The following TOGARAM1 variants were observed in gnomAD, a reference collection of about 807,000 sequenced individuals.
TOGARAM1 encodes the protein TOG array regulator of axonemal microtubules 1, also known as TOG array regulator of axonemal microtubules protein 1.
A neutral mutation model predicts 166.6 loss-of-function variants in TOGARAM1; 100 were observed. The observed-to-expected ratio is 0.60, with a 90% CI of 0.51 to 0.71. The LOEUF (loss-of-function observed/expected upper bound fraction) is 0.71, where lower values mean the gene tolerates loss of function less well. TOGARAM1 is among the 30% of genes least tolerant of loss of function. The probability of loss-of-function intolerance (pLI) is 0.00; values close to 1 mark genes in which losing one functional copy is unlikely to be tolerated. For synonymous variants in TOGARAM1, 758 were observed against 763.8 expected (o/e 0.99, Z 0.13); for missense variants, 2,029 against 2,102.7 (o/e 0.96, Z 0.69).
intron 1 of TOGARAM1, among the ~76,000 whole-genome samples, chr14:44,993,053 G>C (rs923975219): frequency 6.6e-6 from 1 of 151,634 alleles, no homozygotes; most frequent in Non-Finnish European, 1.5e-5. Context: ...ATTTGAGCTT[G>C]ACGGTTCGAG....
At chr14:44,998,698 G>C (rs890212163) in intron 2 of TOGARAM1, among the ~76,000 whole-genome samples, 1 of 152,142 alleles carries the variant, frequency 6.6e-6, no homozygotes, top group Non-Finnish European at 1.5e-5. Flanking sequence ...TGATATGATA[G>C]GGAGAGAATT....
chr14:45,070,718 A>G (rs998640324), intron 18 of TOGARAM1, among the ~76,000 whole-genome samples: 2 of 152,148 alleles, frequency 1.3e-5, no homozygotes, highest in Non-Finnish European at 2.9e-5. Flanking sequence ...CGAATTTTCA[A>G]TTGTACAGAG....
At chr14:45,011,456 G>A (rs1260548184) in intron 6 of TOGARAM1, among the ~76,000 whole-genome samples, 3 of 152,106 alleles carry the variant, frequency 2.0e-5, no homozygotes, top group Non-Finnish European at 4.4e-5. Context: ...GGGACTACAG[G>A]TGTGCACCGC....
chr14:45,048,136 A>G (rs1174340156), intron 14 of TOGARAM1, among the ~76,000 whole-genome samples: 1 of 151,090 alleles, frequency 6.6e-6, no homozygotes, highest in East Asian at 2.0e-4. Context: ...GGCGGCTCAC[A>G]AGATCAAGAG....
Position 45,044,623 on chromosome 14 carries a change from AT to A in TOGARAM1, c.3919-3del, listed in dbSNP as rs761254170. On this transcript the variant is annotated splice_polypyrimidine_tract_variant and intron_variant, in intron 12 of 19. Transcript: ENST00000361462. ...AATATCAGCAAAATGTACATTTTGA[AT>A]TTTTTTTTAGGTGAAAAATTTACGT... 740 of 1,528,218 alleles carry A rather than the reference AT, an allele frequency of 4.8e-4. No individual in the cohort carries two copies. Among genetic ancestry groups the A allele is most frequent in the Admixed American group, 6.5e-4 (33 of 50,776 alleles). 94.7% of individuals were successfully genotyped at this position (1,528,218 alleles called of 1,614,324 possible).
chr14:44,987,166 T>TC (rs1886864454), intron 1 of TOGARAM1, among the ~76,000 whole-genome samples: 2 of 151,774 alleles, frequency 1.3e-5, no homozygotes, highest in African/African-American at 4.8e-5. Flanking sequence ...ATGGTCTCGA[T>TC]CTGACCTCGT....
At chr14:45,049,786 G>C (rs1882269607) in intron 14 of TOGARAM1, among the ~76,000 whole-genome samples, 1 of 151,806 alleles carries the variant, frequency 6.6e-6, no homozygotes, top group Non-Finnish European at 1.5e-5. Context: ...ATCATTATAG[G>C]CTAGTTAGGA....
At chr14:45,055,577 G>C (rs1457823180) in intron 16 of TOGARAM1, among the ~76,000 whole-genome samples, 1 of 151,996 alleles carries the variant, frequency 6.6e-6, no homozygotes, top group Non-Finnish European at 1.5e-5. Context: ...TGCTGAGGCG[G>C]GTGGATCACG....
chr14:45,058,829 T>C (rs199947365), intron 16 of TOGARAM1, among the ~76,000 whole-genome samples: 2 of 152,168 alleles, frequency 1.3e-5, no homozygotes, highest in African/African-American at 2.4e-5. Context: ...TTTCTTTTTC[T>C]CTGTTTTCGT....
intron 7 of TOGARAM1, among the ~76,000 whole-genome samples, chr14:45,020,810 G>A (rs1594663057): frequency 6.6e-6 from 1 of 152,184 alleles, no homozygotes; most frequent in African/African-American, 2.4e-5. Flanking sequence ...TGAGGTATGG[G>A]TTATTTCCAG....
At chr14:45,063,478 A>ATTTTTTTTTTTTTTTTTTT (rs1882992274) in intron 16 of TOGARAM1, among the ~76,000 whole-genome samples, 1 of 134,002 alleles carries the variant, frequency 7.5e-6, no homozygotes, top group Non-Finnish European at 1.5e-5. Flanking sequence ...CATTTGACAA[A>ATTTTTTTTTTTTTTTTTTT]GTTTTTTTTT....
chr14:44,995,196 C>T (rs191616281), intron 1 of TOGARAM1, among the ~76,000 whole-genome samples: 1 of 152,258 alleles, frequency 6.6e-6, no homozygotes, highest in African/African-American at 2.4e-5. Flanking sequence ...AAGTACTATA[C>T]ATATATAAAG....
At chr14:45,017,406 A>AACAC (rs113544622) in intron 7 of TOGARAM1, among the ~76,000 whole-genome samples, 8,032 of 145,188 alleles carry the variant, frequency 0.055, 245 homozygotes, top group South Asian at 0.068. Context: ...ATGCACACAA[A>AACAC]ACACACACAC....
chr14:45,069,947 C>T (rs1883302807), intron 18 of TOGARAM1, among the ~76,000 whole-genome samples: 1 of 152,106 alleles, frequency 6.6e-6, no homozygotes, highest in South Asian at 2.1e-4. Flanking sequence ...CTTTGGGAGG[C>T]CGAGGCAGGC....
intron 1 of TOGARAM1, chr14:44,978,091 A>T (rs1270529109): frequency 1.3e-5 from 2 of 152,244 alleles, no homozygotes; most frequent in Non-Finnish European, 2.9e-5. Flanking sequence ...TAATGGCAAC[A>T]TTCACAAAAT....
At chr14:45,002,667 T>A (rs960139934) in intron 3 of TOGARAM1, among the ~76,000 whole-genome samples, 1 of 152,218 alleles carries the variant, frequency 6.6e-6, no homozygotes, top group Admixed American at 6.5e-5. Context: ...GGATGTTTGA[T>A]TTCTTCATAA....
At chr14:45,054,169 C>A (rs1431164238) in intron 15 of TOGARAM1, among the ~76,000 whole-genome samples, 1 of 152,132 alleles carries the variant, frequency 6.6e-6, no homozygotes, top group African/African-American at 2.4e-5. Context: ...CCACACCCAG[C>A]CCAAAATACA....
At chr14:45,065,261 A>G (rs1327262600) in intron 16 of TOGARAM1, among the ~76,000 whole-genome samples, 1 of 152,188 alleles carries the variant, frequency 6.6e-6, no homozygotes, top group Non-Finnish European at 1.5e-5. Context: ...GTCACTTTGC[A>G]TGACTCTTTA....
At chr14:44,968,599 A>C (rs970902537) in intron 1 of TOGARAM1, among the ~76,000 whole-genome samples, 1 of 152,206 alleles carries the variant, frequency 6.6e-6, no homozygotes, top group African/African-American at 2.4e-5. Flanking sequence ...TTCAACAGAG[A>C]GTACAGATAG....
Sources: allele counts gnomAD v4.1 joint callset (sites outside exome capture counted in the v4.1 genomes callset), GRCh38; gene constraint gnomAD v4.1.1; transcripts MANE v1.5; gene names NCBI Gene and HGNC (gene_info 2026-07-23, HGNC 2026-07-21).